Variants in GFM2 observed in about 807,000 individuals in gnomAD.
GFM2 encodes the protein ribosome-releasing factor 2, mitochondrial.
In GFM2, 72 loss-of-function variants were observed where a neutral mutation model predicts 95.4. The ratio of observed to expected loss-of-function variants is 0.76; its 90% CI spans 0.62 to 0.92. GFM2 has a LOEUF of 0.92. GFM2 is among the 40% of genes least tolerant of loss of function. The pLI, the probability that GFM2 is intolerant of heterozygous loss-of-function variation, is 0.00. For synonymous variants in GFM2, 276 were observed against 317.5 expected (o/e 0.87, Z 1.39); for missense variants, 825 against 924.1 (o/e 0.89, Z 1.39).
chr5:74,751,143 A>G (rs1343354741), intron 6 of GFM2, among the ~76,000 whole-genome samples: 1 of 152,224 alleles, frequency 6.6e-6, no homozygotes, highest in Non-Finnish European at 1.5e-5. Context: ...ATTGTTGTCC[A>G]ATGAATATAG....
At chr5:74,729,859 T>A (rs971747735) in intron 17 of GFM2, among the ~76,000 whole-genome samples, 8 of 152,196 alleles carry the variant, frequency 5.3e-5, no homozygotes, top group African/African-American at 1.9e-4. Flanking sequence ...TTTCTCAAGA[T>A]TACTATCAGC....
intron 5 of GFM2, among the ~76,000 whole-genome samples, 181 bp from the exon 6 acceptor site, chr5:74,751,674 G>C (rs893905629): frequency 1.3e-5 from 2 of 152,092 alleles, no homozygotes; most frequent in Non-Finnish European, 2.9e-5. Context: ...TTTTCAGCTA[G>C]ATTAGTAACT....
intron 17 of GFM2, among the ~76,000 whole-genome samples, chr5:74,728,590 T>C (rs941938428): frequency 3.9e-5 from 6 of 152,064 alleles, no homozygotes; most frequent in Admixed American, 1.3e-4. Context: ...TCTTCAAAGA[T>C]AGTATTTTAT....
intron 5 of GFM2, among the ~76,000 whole-genome samples, chr5:74,757,730 CTAAAA>C (rs1392409719): frequency 0.018 from 588 of 33,156 alleles, 4 homozygotes; most frequent in African/African-American, 0.13. Flanking sequence ...GCCTATGTCT[CTAAAA>C]AAAAAAAAAA....
At chr5:74,730,095 T>C (rs1373760944) in intron 17 of GFM2, among the ~76,000 whole-genome samples, 165 bp downstream of exon 17, 1 of 152,158 alleles carries the variant, frequency 6.6e-6, no homozygotes, top group African/African-American at 2.4e-5. Context: ...TAGGGCTTTC[T>C]GTATTCAAAA....
In GFM2 at chr5:74,747,708, C is replaced by G; in HGVS notation, c.592G>C (p.Asp198His). 6.2e-7 allele frequency: 1 copy of G among 1,607,912 alleles called. No individual in the cohort carries two copies. The highest frequency in any genetic ancestry group is 8.5e-7 in the Non-Finnish European group (1 of 1,174,670). The change falls in exon 8 of 21, where the codon GAC becomes CAC. Residue 198 changes from aspartate (D) to histidine (H), a missense_variant. Transcript: ENST00000296805. Reference protein sequence around the residue: ...IPRICFLNKMDKTGASFKYAV... With the variant: ...IPRICFLNKMHKTGASFKYAV... ...TTCAAATACCTTGCTCCAGTTTTGT[C>G]CATCTTGTTTAAAAAACAGATTCGA...
chr5:74,732,927 GACACACACAC>G lies in GFM2; in HGVS notation c.1587+85_1587+94del, dbSNP rs67360841. On this transcript the variant is annotated intron_variant, in intron 16 of 20. Coordinates refer to ENST00000296805, the MANE Select transcript of GFM2 (RefSeq NM_032380.5). ...TTCAGGACACAGACTTAATGTTTTA[GACACACACAC>G]ACACACACACACACACACACACACA... is the stretch of plus-strand genomic sequence containing the variant. 20,896 of 401,300 alleles carry G rather than the reference GACACACACAC, an allele frequency of 0.052. 275 individuals are homozygous for G. The highest frequency in any genetic ancestry group is 0.087 in the Middle Eastern group (190 of 2,190). 24.9% of individuals were successfully genotyped at this position (401,300 alleles called of 1,614,324 possible).
In GFM2 at chr5:74,721,373, T is replaced by C; in HGVS notation, c.*282A>G. 1.4e-6 allele frequency: 1 copy of C among 729,978 alleles called. No individual in the cohort carries two copies. The highest frequency in any genetic ancestry group is 1.5e-5 in the South Asian group (1 of 67,046). 45.2% of individuals were successfully genotyped at this position (729,978 alleles called of 1,614,324 possible). A position where few individuals can be genotyped will look rare whatever the true frequency, so the allele number is the denominator to read the frequency against. ...TAAGGACACAAAAGAAACACAACTT[T>C]GTGATACCACTCTTCTGAAGGCTAC... On this transcript the variant is annotated 3_prime_UTR_variant, in exon 21 of 21. Coordinates refer to ENST00000296805, the MANE Select transcript of GFM2 (RefSeq NM_032380.5).
intron 11 of GFM2, 56 bp from the exon 12 acceptor site, chr5:74,740,193 G>A (rs1743045789): frequency 6.8e-7 from 1 of 1,480,086 alleles, no homozygotes; most frequent in Non-Finnish European, 9.1e-7. Context: ...TTGGCGAGAA[G>A]CTCAAAATTA....
chr5:74,737,398 A>T (rs1417012196), intron 14 of GFM2, among the ~76,000 whole-genome samples: 1 of 152,192 alleles, frequency 6.6e-6, no homozygotes, highest in Non-Finnish European at 1.5e-5. Flanking sequence ...GAATACCCTT[A>T]ACTGTGCAGA....
At chr5:74,766,169 C>T (rs1003299085) in intron 1 of GFM2, among the ~76,000 whole-genome samples, 13 of 151,902 alleles carry the variant, frequency 8.6e-5, no homozygotes, top group African/African-American at 3.1e-4. Flanking sequence ...AGCCAGGCTT[C>T]GTGGCGCGAG....
intron 15 of GFM2, chr5:74,736,514 G>A (rs1238329215): frequency 1.0e-6 from 1 of 984,720 alleles, no homozygotes; most frequent in Non-Finnish European, 1.2e-6. Flanking sequence ...TACTAGAAGG[G>A]CAGTTCTAAG....
At chr5:74,757,885 G>A (rs569915718) in intron 5 of GFM2, among the ~76,000 whole-genome samples, 2 of 152,128 alleles carry the variant, frequency 1.3e-5, no homozygotes, top group South Asian at 4.2e-4. Context: ...GAGGTACCTA[G>A]AGTAGTCAAA....
intron 7 of GFM2, among the ~76,000 whole-genome samples, chr5:74,749,043 T>G (rs955065000): frequency 4.9e-4 from 74 of 151,446 alleles, no homozygotes; most frequent in African/African-American, 1.7e-3. Context: ...AGGGTCTCAC[T>G]CTGTTGCCCA....
At chr5:74,765,137 C>A (rs1055820830) in intron 1 of GFM2, 6 of 1,215,418 alleles carry the variant, frequency 4.9e-6, no homozygotes, top group Admixed American at 2.8e-5. Context: ...GCCTCATAGT[C>A]TCTCCACAGT....
intron 1 of GFM2, among the ~76,000 whole-genome samples, chr5:74,764,180 T>C (rs1744424797): frequency 6.6e-6 from 1 of 152,368 alleles, no homozygotes; most frequent in African/African-American, 2.4e-5. Context: ...TTGTATACTC[T>C]GATTTTCCTA....
At chr5:74,759,063 A>G (rs1744143355) in intron 4 of GFM2, 117 bp from the exon 5 acceptor site, 1 of 666,962 alleles carries the variant, frequency 1.5e-6, no homozygotes, top group African/African-American at 1.8e-5. Context: ...TAAAAACTAG[A>G]AAAATGGAAA....
At position 74,735,760 on chromosome 5, in the gene GFM2, T is replaced by C. The variant is rs149576436; in HGVS notation, c.1510+1036A>G. On this transcript the variant is annotated intron_variant, in intron 15 of 20. Coordinates refer to ENST00000296805, the MANE Select transcript of GFM2 (RefSeq NM_032380.5). ...GAGCATAAGGTGTGGCTAGGTACTA[T>C]AGTTTTATTCTAATTTGGGTTAAAG... Among the ~76,000 whole-genome samples the C allele has an allele frequency of 2.7e-3, 418 of 152,270 alleles. 1 individual carries two copies. Among genetic ancestry groups the C allele is most frequent in the South Asian group, 0.015 (71 of 4,826 alleles).
chr5:74,737,034 C>T, intron 14 of GFM2, 49 bp from the exon 15 acceptor site: 1 of 1,593,960 alleles, frequency 6.3e-7, no homozygotes, highest in Non-Finnish European at 8.6e-7. Context: ...TTAGCAAGCG[C>T]TCATCTTACA....
Sources: allele counts gnomAD v4.1 joint callset (sites outside exome capture counted in the v4.1 genomes callset), GRCh38; gene constraint gnomAD v4.1.1; transcripts MANE v1.5; gene names NCBI Gene and HGNC (gene_info 2026-07-23, HGNC 2026-07-21).